LUZP2: variants seen among roughly 807,000 people sequenced by gnomAD.
The protein encoded by LUZP2 is leucine zipper protein 2.
A neutral mutation model predicts 51.6 loss-of-function variants in LUZP2; 52 were observed. That is an observed-to-expected ratio of 1.01 (90% CI 0.81 to 1.27). LUZP2 has a LOEUF of 1.27. Among genes scored for constraint, LUZP2 ranks in the 50% most tolerant of loss-of-function variants. LUZP2 has a pLI of 0.00. For missense variants in LUZP2, 436 were observed against 395.4 expected, an observed-to-expected ratio of 1.10 and a Z score of -0.87; for synonymous variants, 154 against 137.3, an observed-to-expected ratio of 1.12 and a Z score of -0.85.
At chr11:24,773,122 T>A (rs1848801331) in intron 5 of LUZP2, among the ~76,000 whole-genome samples, 1 of 151,828 alleles carries the variant, frequency 6.6e-6, no homozygotes. Flanking sequence ...AGCATTTTAT[T>A]AGGTATAAAT....
intron 1 of LUZP2, among the ~76,000 whole-genome samples, chr11:24,685,616 A>T (rs1856873777): frequency 6.6e-6 from 1 of 152,074 alleles, no homozygotes; most frequent in South Asian, 2.1e-4. Context: ...CCGCCCAACA[A>T]AGCCTACTTG....
chr11:24,631,709 G>T (rs1371504655), intron 1 of LUZP2, among the ~76,000 whole-genome samples: 1 of 151,824 alleles, frequency 6.6e-6, no homozygotes, highest in African/African-American at 2.4e-5. Flanking sequence ...CTAGCCTCGT[G>T]GAATAAGCTA....
At chr11:24,817,411 C>T (rs2716480) in intron 5 of LUZP2, among the ~76,000 whole-genome samples, 72,930 of 151,594 alleles carry the variant, frequency 0.48, 17,906 homozygotes, top group African/African-American at 0.58. Flanking sequence ...AAGTATCTTA[C>T]ATAAAGGTGT....
chr11:24,557,292 T>G (rs988456492), intron 1 of LUZP2, among the ~76,000 whole-genome samples: 1 of 152,146 alleles, frequency 6.6e-6, no homozygotes, highest in African/African-American at 2.4e-5. Context: ...AGAGTTAATA[T>G]GTAATAGAGA....
At chr11:24,537,917 C>T (rs1254804859) in intron 1 of LUZP2, among the ~76,000 whole-genome samples, 1 of 151,788 alleles carries the variant, frequency 6.6e-6, no homozygotes, top group East Asian at 1.9e-4. Context: ...ATAGGCTAAG[C>T]TTTGTTAGCT....
intron 1 of LUZP2, among the ~76,000 whole-genome samples, chr11:24,706,491 C>G (rs984352355): frequency 6.6e-6 from 1 of 152,094 alleles, no homozygotes; most frequent in Non-Finnish European, 1.5e-5. Context: ...TTTTTCCAAC[C>G]AAATTCTGCA....
intron 1 of LUZP2, among the ~76,000 whole-genome samples, chr11:24,570,894 A>G (rs570532837): frequency 1.3e-5 from 2 of 152,088 alleles, no homozygotes; most frequent in African/African-American, 4.8e-5. Context: ...GAAATGATTT[A>G]TCTGAAATCA....
At chr11:24,566,817 TTATATATACATATTTATATATAAGG>T (rs1350289618) in intron 1 of LUZP2, among the ~76,000 whole-genome samples, 5 of 142,470 alleles carry the variant, frequency 3.5e-5, no homozygotes, top group Admixed American at 2.9e-4. Flanking sequence ...TATATATAAC[TTATATATACATATTTATATATAAGG>T]TATATATACA....
chr11:24,639,604 AC>A (rs1467493362), intron 1 of LUZP2, among the ~76,000 whole-genome samples: 144 of 151,786 alleles, frequency 9.5e-4, no homozygotes, highest in Non-Finnish European at 2.1e-4. Flanking sequence ...GGTGCCCGCC[AC>A]CACACCTGGC....
At chr11:25,073,379 G>A (rs1050305186) in intron 10 of LUZP2, among the ~76,000 whole-genome samples, 2 of 152,044 alleles carry the variant, frequency 1.3e-5, no homozygotes, top group African/African-American at 4.8e-5. Flanking sequence ...ATAAAACAAA[G>A]GAAACTTTGG....
At chr11:24,804,855 T>G (rs563386354) in intron 5 of LUZP2, among the ~76,000 whole-genome samples, 3 of 152,206 alleles carry the variant, frequency 2.0e-5, no homozygotes, top group African/African-American at 7.2e-5. Flanking sequence ...TTTATTTATT[T>G]TTGAGATGGA....
At chr11:24,996,694 GT>G (rs559219218) in intron 9 of LUZP2, among the ~76,000 whole-genome samples, 141 of 150,862 alleles carry the variant, frequency 9.3e-4, no homozygotes, top group Non-Finnish European at 1.7e-3. Flanking sequence ...ATGTATACAT[GT>G]GCCATGCTGG....
At chr11:24,770,677 A>T (rs1369533877) in intron 5 of LUZP2, among the ~76,000 whole-genome samples, 1 of 152,198 alleles carries the variant, frequency 6.6e-6, no homozygotes, top group East Asian at 1.9e-4. Context: ...ATTGACACAT[A>T]TCCAGGAATA....
intron 9 of LUZP2, among the ~76,000 whole-genome samples, chr11:25,030,816 C>T (rs1422586690): frequency 2.1e-5 from 3 of 142,744 alleles, no homozygotes; most frequent in African/African-American, 7.7e-5. Context: ...AAATACTAAT[C>T]TTTTGATTTG....
chr11:24,549,150 A>AT (rs890456556), intron 1 of LUZP2, among the ~76,000 whole-genome samples: 1 of 151,980 alleles, frequency 6.6e-6, no homozygotes, highest in Non-Finnish European at 1.5e-5. Flanking sequence ...CTGTACAGAA[A>AT]TTTTTTATAT....
Position 24,817,774 on chromosome 11 carries a change from A to C in LUZP2, c.396+54466A>C, listed in dbSNP as rs1044831451. Among the ~76,000 whole-genome samples, 119 of 152,050 alleles carry C rather than the reference A, an allele frequency of 7.8e-4. 1 individual carries two copies. Among genetic ancestry groups the C allele is most frequent in the Admixed American group, 7.7e-3 (118 of 15,242 alleles). On this transcript the variant is annotated intron_variant, in intron 5 of 11. Transcript: ENST00000336930. ...GTCCAATTGCACAGTGAAATGCAGT[A>C]AAAATAATTGTTCAGGAAATGGTAT...
At chr11:25,003,354 A>G (rs1457082117) in intron 9 of LUZP2, among the ~76,000 whole-genome samples, 1 of 152,186 alleles carries the variant, frequency 6.6e-6, no homozygotes, top group Non-Finnish European at 1.5e-5. Flanking sequence ...GGCAAAGAGA[A>G]ACTGGGGAGT....
At chr11:24,765,358 G>A (rs1172412916) in intron 5 of LUZP2, among the ~76,000 whole-genome samples, 1 of 152,142 alleles carries the variant, frequency 6.6e-6, no homozygotes, top group Non-Finnish European at 1.5e-5. Context: ...TCTGGAAGAA[G>A]TTTGAAATCC....
intron 5 of LUZP2, among the ~76,000 whole-genome samples, chr11:24,792,861 A>G (rs1849445257): frequency 6.6e-6 from 1 of 152,188 alleles, no homozygotes; most frequent in Non-Finnish European, 1.5e-5. Flanking sequence ...TCAGCCAAAG[A>G]TGTACACGAG....
Sources: gnomAD v4.1 joint callset for allele counts (sites outside exome capture counted in the v4.1 genomes callset) on GRCh38, gnomAD v4.1.1 for gene constraint, MANE v1.5 for transcripts, NCBI Gene and HGNC (gene_info 2026-07-23, HGNC 2026-07-21) for gene names.